Variants in SAMMSON observed in about 807,000 individuals in gnomAD.
SAMMSON encodes long intergenic non-protein coding RNA 1212.
chr3:70,164,615 T>G (rs943850705), intron 4 of SAMMSON, among the ~76,000 whole-genome samples: 9 of 152,006 alleles, frequency 5.9e-5, no homozygotes, highest in African/African-American at 1.9e-4. Context: ...ATGCATAGTG[T>G]TCTGTCCGTG....
chr3:70,335,726 A>G (rs1316650297), intron 7 of SAMMSON, among the ~76,000 whole-genome samples: 2 of 152,150 alleles, frequency 1.3e-5, no homozygotes, highest in East Asian at 3.9e-4. Context: ...AATTCAATTT[A>G]CCACCACCAA....
chr3:70,356,423 A>G lies in SAMMSON; in HGVS notation n.843-1831A>G, dbSNP rs2106737535. 2.0e-5 allele frequency among the ~76,000 whole-genome samples: 3 copies of G among 152,214 alleles called. No homozygotes were observed. The East Asian group carries it at 5.8e-4, about 29-fold the overall frequency. ...AATCAACTTAGGTATACTAACAAAA[A>G]TATTTCCAAAATGTGCTATACCCTA... On this transcript the variant is annotated intron_variant and non_coding_transcript_variant, in intron 8 of 9. Transcript: ENST00000642114.
At chr3:70,007,510 CTTTG>C (rs1156713256) in intron 1 of SAMMSON, among the ~76,000 whole-genome samples, 1 of 151,718 alleles carries the variant, frequency 6.6e-6, no homozygotes, top group Admixed American at 6.6e-5. Context: ...TTTCATGTAA[CTTTG>C]TTTGAGTTCA....
At chr3:70,406,905 C>T (rs541538269) in intron 2 of SAMMSON, among the ~76,000 whole-genome samples, 121 of 152,222 alleles carry the variant, frequency 7.9e-4, no homozygotes, top group African/African-American at 2.7e-3. Context: ...AGTCTGTTTT[C>T]GTGCTGCTGA....
chr3:70,221,697 A>G (rs1038003015), intron 4 of SAMMSON, among the ~76,000 whole-genome samples: 2 of 152,186 alleles, frequency 1.3e-5, no homozygotes, highest in African/African-American at 4.8e-5. Context: ...TTCAAATGGA[A>G]GGGGAAAAAG....
chr3:70,331,754 C>A (rs1322154990), intron 7 of SAMMSON, among the ~76,000 whole-genome samples: 4 of 152,140 alleles, frequency 2.6e-5, no homozygotes, highest in African/African-American at 9.7e-5. Context: ...TTTATCTAGA[C>A]TATTAATGAG....
intron 3 of SAMMSON, among the ~76,000 whole-genome samples, chr3:70,045,160 T>C (rs547137922): frequency 2.2e-4 from 29 of 132,638 alleles, no homozygotes; most frequent in African/African-American, 7.5e-4. Context: ...TTAATTATAA[T>C]ATATTATAAT....
At chr3:70,404,728 G>C (rs1450036747) in intron 2 of SAMMSON, among the ~76,000 whole-genome samples, 12 of 152,080 alleles carry the variant, frequency 7.9e-5, no homozygotes, top group East Asian at 1.9e-4. Flanking sequence ...GGCAAACAAA[G>C]AAGCAAGCCC....
intron 1 of SAMMSON, among the ~76,000 whole-genome samples, chr3:70,010,984 C>A (rs1479794202): frequency 6.6e-6 from 1 of 152,094 alleles, no homozygotes; most frequent in Non-Finnish European, 1.5e-5. Context: ...GTTACCTTCA[C>A]CTGGTTCCAA....
At position 70,347,405 on chromosome 3, in the gene SAMMSON, G is replaced by A. The variant is rs1172109071; in HGVS notation, n.740-6770G>A. ...CCTTCTTAAATGTATTAGAGTCTTC[G>A]TTCAAGCCATAGTAATTTTTCGGAA... On this transcript the variant is annotated intron_variant and non_coding_transcript_variant, in intron 7 of 9. Transcript: ENST00000642114. 5.9e-5 allele frequency among the ~76,000 whole-genome samples: 9 copies of A among 152,200 alleles called. No individual in the cohort carries two copies. In the East Asian group the frequency reaches 1.5e-3, roughly 26 times the overall value.
chr3:70,267,912 T>C (rs766630232), intron 6 of SAMMSON, among the ~76,000 whole-genome samples: 1 of 151,774 alleles, frequency 6.6e-6, no homozygotes. Context: ...AAGGTCCCAG[T>C]TTCCTTTCCT....
chr3:70,228,425 A>G (rs1559540092), intron 4 of SAMMSON, among the ~76,000 whole-genome samples: 1 of 149,246 alleles, frequency 6.7e-6, no homozygotes, highest in South Asian at 2.1e-4. Flanking sequence ...TTAGGCTGCC[A>G]AAAAAAAAAT....
intron 7 of SAMMSON, among the ~76,000 whole-genome samples, chr3:70,321,577 T>C (rs1702539039): frequency 6.6e-6 from 1 of 152,228 alleles, no homozygotes; most frequent in East Asian, 1.9e-4. Context: ...TATGTTTTTA[T>C]GGTTTTCGTA....
At chr3:70,430,579 A>T (rs1186476204) in intron 2 of SAMMSON, among the ~76,000 whole-genome samples, 2 of 152,156 alleles carry the variant, frequency 1.3e-5, no homozygotes, top group African/African-American at 4.8e-5. Flanking sequence ...CATATCTGGA[A>T]TCCCTGAGTT....
At position 70,427,403 on chromosome 3, in the gene SAMMSON, C is replaced by T. The variant is rs544856173; in HGVS notation, n.234-35157C>T. Among the ~76,000 whole-genome samples the T allele has an allele frequency of 1.8e-4, 27 of 152,262 alleles. No homozygotes were observed. The South Asian group carries it at 5.2e-3, about 29-fold the overall frequency. On this transcript the variant is annotated intron_variant and non_coding_transcript_variant, in intron 2 of 3. Transcript: ENST00000641053. ...AGGCAAAAGCACTGAACTAAATGTT[C>T]TGGTAATACCATGAGGATTACCTAA...
chr3:70,100,688 C>G (rs72937535), intron 4 of SAMMSON, among the ~76,000 whole-genome samples: 1,756 of 152,276 alleles, frequency 0.012, 25 homozygotes, highest in African/African-American at 0.039. Flanking sequence ...TTAATTTACT[C>G]TGTTCTCTTG....
At chr3:70,267,695 C>A (rs546106006) in intron 6 of SAMMSON, among the ~76,000 whole-genome samples, 1 of 151,026 alleles carries the variant, frequency 6.6e-6, no homozygotes, top group Non-Finnish European at 1.5e-5. Flanking sequence ...GGATTACAGG[C>A]GAGAGCCACC....
At chr3:70,218,468 A>C (rs767726291) in intron 4 of SAMMSON, among the ~76,000 whole-genome samples, 3 of 152,128 alleles carry the variant, frequency 2.0e-5, no homozygotes. Flanking sequence ...AGTACTCTAC[A>C]TCCCTCTTTT....
At chr3:70,018,235 C>G (rs2066995649) in intron 3 of SAMMSON, among the ~76,000 whole-genome samples, 1 of 152,050 alleles carries the variant, frequency 6.6e-6, no homozygotes, top group Non-Finnish European at 1.5e-5. Context: ...TGTTGGTAAA[C>G]TATTAATTAT....
Sources: gnomAD v4.1 joint callset for allele counts (sites outside exome capture counted in the v4.1 genomes callset) on GRCh38, gnomAD v4.1.1 for gene constraint, MANE v1.5 for transcripts, NCBI Gene and HGNC (gene_info 2026-07-23, HGNC 2026-07-21) for gene names.